Variants in PLAU observed in about 807,000 individuals in gnomAD.
PLAU encodes the protein urokinase-type plasminogen activator.
In PLAU, 32 loss-of-function variants were observed where a neutral mutation model predicts 48.9. That is an observed-to-expected ratio of 0.65 (90% CI 0.49 to 0.88). PLAU has a LOEUF of 0.88. Among genes scored for constraint, PLAU ranks in the 40% least tolerant of loss-of-function variants. The pLI is 0.00. For synonymous variants in PLAU, 199 were observed against 205.7 expected, an observed-to-expected ratio of 0.97 and a Z score of 0.28; for missense variants, 455 against 545.2, an observed-to-expected ratio of 0.83 and a Z score of 1.65.
At position 73,915,235 on chromosome 10, in the gene PLAU, T is replaced by G. The variant is rs1448822111; in HGVS notation, c.971-16T>G. On this transcript the variant is annotated splice_polypyrimidine_tract_variant and intron_variant, in intron 9 of 10. Transcript: ENST00000372764. ...ATAAATCTTGATGCAAACGCCTCCC[T>G]GTTTTCTCCACCTAGCCGACTATCT... The G allele has an allele frequency of 6.2e-7, 1 of 1,605,010 alleles. No homozygotes were observed. Among genetic ancestry groups the G allele is most frequent in the Non-Finnish European group, 8.5e-7 (1 of 1,176,184 alleles).
rs1295273533 is a variant in PLAU at position 73,913,044 on chromosome 10, A to G, written c.314A>G (p.His105Arg). The G allele has an allele frequency of 1.2e-6, 2 of 1,614,048 alleles. No homozygotes were observed. The highest frequency in any genetic ancestry group is 2.2e-5 in the East Asian group (1 of 44,896). ...NSATVLQQTY[H>R]AHRSDALQLG... ...GCCACTGTCCTTCAGCAAACGTACC[A>G]TGCCCACAGATCTGATGCTCTTCAG... The change falls in exon 5 of 11, where the codon CAT becomes CGT. Residue 105 changes from histidine (H) to arginine (R), a missense_variant. His to Arg is a conservative substitution (Grantham distance 29). Transcript: ENST00000372764.
chr10:73,912,109 T>C (rs1565608790), intron 3 of PLAU, 41 bp downstream of exon 3: 2 of 1,604,630 alleles, frequency 1.2e-6, no homozygotes, highest in East Asian at 2.2e-5. Flanking sequence ...CACAGACAAG[T>C]TGGGAAGGCT....
Position 73,913,769 on chromosome 10 carries a change from G to T in PLAU, c.680+11G>T. On this transcript the variant is annotated intron_variant, in intron 7 of 10. Coordinates refer to ENST00000372764, the MANE Select transcript of PLAU (RefSeq NM_002658.6). ...CACACACTGCTTCATGTACGGCCCTGGGTTTCTCCTCTTCGACTCTTCTGC... is the reference window on the plus strand; with the variant it reads ...CACACACTGCTTCATGTACGGCCCTTGGTTTCTCCTCTTCGACTCTTCTGC... The T allele has an allele frequency of 6.4e-7, 1 of 1,570,182 alleles. No homozygotes were observed.
At chr10:73,911,038 T>C (rs546191740), upstream of PLAU, 10 of 155,324 alleles carry the variant, frequency 6.4e-5, no homozygotes, top group Non-Finnish European at 1.3e-4. Flanking sequence ...TCCGGGTCGC[T>C]GAGCGCTGCA....
At position 73,912,916 on chromosome 10, in the gene PLAU, C is replaced by T. The variant is rs1187630053; in HGVS notation, c.194-8C>T. On this transcript the variant is annotated splice_region_variant and splice_polypyrimidine_tract_variant and intron_variant, in intron 4 of 10. Coordinates refer to ENST00000372764, the MANE Select transcript of PLAU (RefSeq NM_002658.6). ...CTCATATTCTCTCATCCTCCTGTCC[C>T]CTTGTAGATAAGTCAAAAACCTGCT... The T allele has an allele frequency of 1.9e-6, 3 of 1,596,172 alleles. No homozygotes were observed. In the South Asian group the frequency reaches 3.4e-5, roughly 18 times the overall value.
chr10:73,911,476 T>G lies in PLAU; in HGVS notation c.-31-49T>G, dbSNP rs542157536. ...CTGCGCTGCAGTCGCCCGCCTGGCC[T>G]GCCTTCCCGTTCCTCCGCCTCTTGC... is the stretch of plus-strand genomic sequence containing the variant. On this transcript the variant is annotated intron_variant, in intron 1 of 10. Coordinates refer to ENST00000372764, the MANE Select transcript of PLAU (RefSeq NM_002658.6). 6.2e-5 allele frequency: 96 copies of G among 1,552,140 alleles called. No homozygotes were observed. The African/African-American group carries it at 1.1e-3, about 18-fold the overall frequency.
intron 9 of PLAU, 91 bp downstream of exon 9, chr10:73,915,007 T>A: frequency 7.1e-7 from 1 of 1,414,402 alleles, no homozygotes. Context: ...ACTGCAGAGT[T>A]AGAGGTGGGA....
intron 4 of PLAU, 144 bp downstream of exon 4, chr10:73,912,466 C>T (rs760952116): frequency 6.7e-5 from 45 of 667,578 alleles, no homozygotes; most frequent in South Asian, 5.9e-4. Context: ...CACACACACA[C>T]GCTCACGAAA....
At chr10:73,912,807 C>A in intron 4 of PLAU, 117 bp from the exon 5 acceptor site, 1 of 740,512 alleles carries the variant, frequency 1.4e-6, no homozygotes, top group Non-Finnish European at 2.2e-6. Context: ...GCTGAGATCA[C>A]ACCACTGCAC....
rs2096127663 is a variant in PLAU, at chr10:73,912,930, C to A, written c.200C>A (p.Ser67Ter). The change falls in exon 5 of 11, where the codon TCA (serine) becomes TAA (stop). Residue 67 changes from serine to a stop codon, truncating the protein, a stop_gained. Coordinates refer to ENST00000372764, the MANE Select transcript of PLAU (RefSeq NM_002658.6). LOFTEE classifies it high-confidence loss of function. ...TCCTCCTGTCCCCTTGTAGATAAGT[C>A]AAAAACCTGCTATGAGGGGAATGGT... ...FGGQHCEIDK[S>*]KTCYEGNGHF... 4 of 1,608,916 alleles carry A rather than the reference C, an allele frequency of 2.5e-6. No individual in the cohort carries two copies. In the African/African-American group the frequency reaches 5.4e-5, roughly 22 times the overall value.
Position 73,914,763 on chromosome 10 carries a change from T to C in PLAU, c.830-13T>C, listed in dbSNP as rs376665535. ...TAGTGATCTTTCTCCTCTGACCCTC[T>C]GTCCTCCCCCAGCCTTGCTGAAGAT... On this transcript the variant is annotated splice_polypyrimidine_tract_variant and intron_variant, in intron 8 of 10. Transcript: ENST00000372764. 681 of 1,611,842 alleles carry C rather than the reference T, an allele frequency of 4.2e-4. 7 individuals are homozygous for C. In the South Asian group the frequency reaches 7.2e-3, roughly 17 times the overall value.
chr10:73,911,547 C>T lies in PLAU; in HGVS notation c.-9C>T, dbSNP rs773743548. On this transcript the variant is annotated 5_prime_UTR_variant, in exon 2 of 11. Transcript: ENST00000372764. ...CAGAGCCGCCGTCTAGCGCCCCGAC[C>T]TCGCCACCATGAGAGCCCTGCTGGC... The T allele has an allele frequency of 2.5e-5, 40 of 1,611,802 alleles. No homozygotes were observed. Among genetic ancestry groups the T allele is most frequent in the Non-Finnish European group, 3.2e-5 (38 of 1,179,930 alleles).
rs886047206 is a variant in PLAU, at chr10:73,913,046, G to C, written c.316G>C (p.Ala106Pro). The change falls in exon 5 of 11, where the codon GCC becomes CCC. Residue 106 changes from alanine (A) to proline (P), a missense_variant. By Grantham distance (27) the Ala-to-Pro change is conservative. Coordinates refer to ENST00000372764, the MANE Select transcript of PLAU (RefSeq NM_002658.6). ...SATVLQQTYHAHRSDALQLGL... is the reference protein window; with the variant it reads ...SATVLQQTYHPHRSDALQLGL... ...CACTGTCCTTCAGCAAACGTACCAT[G>C]CCCACAGATCTGATGCTCTTCAGCT... 1.2e-6 allele frequency: 2 copies of C among 1,614,130 alleles called. No individual in the cohort carries two copies. The highest frequency in any genetic ancestry group is 1.7e-6 in the Non-Finnish European group (2 of 1,180,008).
At position 73,916,596 on chromosome 10, in the gene PLAU, G is replaced by A. The variant is rs976175552; in HGVS notation, c.*31G>A. On this transcript the variant is annotated 3_prime_UTR_variant, in exon 11 of 11. Coordinates refer to ENST00000372764, the MANE Select transcript of PLAU (RefSeq NM_002658.6). Reference sequence around the variant, plus strand: ...CCCAGGGAGGAAACGGGCACCACCCGCTTTCTTGCTGGTTGTCATTTTTGC... The same window carrying A: ...CCCAGGGAGGAAACGGGCACCACCCACTTTCTTGCTGGTTGTCATTTTTGC... 7 of 1,561,468 alleles carry A rather than the reference G, an allele frequency of 4.5e-6. No homozygotes were observed. Among genetic ancestry groups the A allele is most frequent in the African/African-American group, 1.4e-5 (1 of 73,570 alleles).
chr10:73,910,513 T>C (rs1591611660), upstream of PLAU: 1 of 152,236 alleles, frequency 6.6e-6, no homozygotes, highest in African/African-American at 2.4e-5. Context: ...CCCCCTCTGA[T>C]AGCACCATCA....
rs1460443379 is a variant in PLAU at position 73,915,227 on chromosome 10, C to T, written c.971-24C>T. The stretch of plus-strand genomic sequence containing the variant: ...GTGGACAGATAAATCTTGATGCAAA[C>T]GCCTCCCTGTTTTCTCCACCTAGCC... On this transcript the variant is annotated intron_variant, in intron 9 of 10. Transcript: ENST00000372764. The T allele has an allele frequency of 6.2e-6, 10 of 1,600,128 alleles. No individual in the cohort carries two copies. The East Asian group carries it at 6.7e-5, about 11-fold the overall frequency.
upstream of PLAU, among the ~76,000 whole-genome samples, chr10:73,909,752 C>T (rs545479834): frequency 3.7e-4 from 57 of 152,320 alleles, 1 homozygote; most frequent in South Asian, 0.011. Context: ...GACTCAGCCT[C>T]CTCCTTCCCA....
rs745821284 is a variant in PLAU at position 73,911,604 on chromosome 10, G to A, written c.49G>A (p.Asp17Asn). 1.2e-6 allele frequency: 2 copies of A among 1,613,834 alleles called. No individual in the cohort carries two copies. Among genetic ancestry groups the A allele is most frequent in the Admixed American group, 1.7e-5 (1 of 60,014 alleles). ...GCTTCTCTGCGTCCTGGTCGTGAGC[G>A]ACTCCAAAGTGAGTGCGCTCTTGCT... ...RLLLCVLVVS[D>N]SKGSNELHQV... Residue 17 changes from aspartate (D) to asparagine (N), a missense_variant, in exon 2 of 11, where the codon GAC becomes AAC. By Grantham distance (23) the Asp-to-Asn change is conservative (BLOSUM62 1). Coordinates refer to ENST00000372764, the MANE Select transcript of PLAU (RefSeq NM_002658.6).
intron 4 of PLAU, 75 bp from the exon 5 acceptor site, chr10:73,912,849 C>G: frequency 1.9e-6 from 2 of 1,032,566 alleles, no homozygotes; most frequent in South Asian, 3.5e-5. Context: ...GACTCCATCT[C>G]AAAAAAAAAA....
Sources: allele counts gnomAD v4.1 joint callset (sites outside exome capture counted in the v4.1 genomes callset), GRCh38; gene constraint gnomAD v4.1.1; transcripts MANE v1.5; gene names NCBI Gene and HGNC (gene_info 2026-07-23, HGNC 2026-07-21).